SNTG1: variants seen among roughly 807,000 people sequenced by gnomAD.
SNTG1 encodes the protein syntrophin gamma 1.
Under a neutral mutation model 74.7 loss-of-function variants are expected in SNTG1, and 39 were observed. The observed-to-expected ratio is 0.52, with a 90% CI of 0.40 to 0.68. SNTG1 has a LOEUF of 0.68. Ranked by LOEUF, SNTG1 falls within the 30% of genes least tolerant of loss-of-function variation. SNTG1 has a pLI of 0.00. For missense variants in SNTG1, 685 were observed against 609.5 expected (o/e 1.12, Z -1.30); for synonymous variants, 254 against 217.1 (o/e 1.17, Z -1.49).
intron 1 of SNTG1, among the ~76,000 whole-genome samples, chr8:49,996,710 C>A (rs369541363): frequency 2.3e-4 from 35 of 152,116 alleles, no homozygotes; most frequent in African/African-American, 7.5e-4. Flanking sequence ...ACTACTTTGT[C>A]CCATCAAAAG....
chr8:50,059,853 A>G (rs930298213), intron 1 of SNTG1, among the ~76,000 whole-genome samples: 15 of 152,142 alleles, frequency 9.9e-5, no homozygotes, highest in African/African-American at 3.1e-4. Flanking sequence ...TCTTAAGTAT[A>G]TACCTAGAAG....
chr8:50,759,000 C>T (rs1237945334), intron 18 of SNTG1, among the ~76,000 whole-genome samples: 1 of 152,070 alleles, frequency 6.6e-6, no homozygotes, highest in South Asian at 2.1e-4. Context: ...TAATGATCAC[C>T]ATTCTAACTG....
intron 12 of SNTG1, among the ~76,000 whole-genome samples, chr8:50,577,595 A>G (rs1387325646): frequency 1.3e-5 from 2 of 152,042 alleles, no homozygotes; most frequent in African/African-American, 4.8e-5. Flanking sequence ...ACTTCTTTAA[A>G]TGTTTATACA....
intron 17 of SNTG1, among the ~76,000 whole-genome samples, chr8:50,726,848 C>CA (rs1253603189): frequency 1.3e-5 from 2 of 151,028 alleles, no homozygotes; most frequent in Admixed American, 1.3e-4. Context: ...GACTCTGTCT[C>CA]AAAAAACAAT....
intron 15 of SNTG1, among the ~76,000 whole-genome samples, chr8:50,699,273 C>A (rs2095415551): frequency 6.6e-6 from 1 of 151,964 alleles, no homozygotes; most frequent in African/African-American, 2.4e-5. Context: ...GAGGATCTTA[C>A]TAATGAGCAG....
chr8:50,190,340 A>C (rs553015874), intron 2 of SNTG1, among the ~76,000 whole-genome samples: 1 of 152,264 alleles, frequency 6.6e-6, no homozygotes, highest in African/African-American at 2.4e-5. Flanking sequence ...GTCAGAACAA[A>C]AGGTGGTAAT....
intron 13 of SNTG1, among the ~76,000 whole-genome samples, chr8:50,597,476 T>C (rs745981890): frequency 4.6e-5 from 7 of 151,208 alleles, no homozygotes; most frequent in Non-Finnish European, 8.9e-5. Flanking sequence ...AACATTTAAG[T>C]TGATACCATA....
rs186937359 is a variant in SNTG1, at chr8:50,017,541, G to A, written c.-103+105310G>A. Among the ~76,000 whole-genome samples, 18 of 151,874 alleles carry A rather than the reference G, an allele frequency of 1.2e-4. No individual in the cohort carries two copies. In the East Asian group the frequency reaches 3.5e-3, roughly 29 times the overall value. The stretch of plus-strand genomic sequence containing the variant: ...TGTTTACAAGGACACATTTTTCATG[G>A]AAAGACACAAATAAGTTGAAAATAA... On this transcript the variant is annotated intron_variant, in intron 1 of 18. Transcript: ENST00000642720.
chr8:50,332,461 G>A (rs2091003682), intron 2 of SNTG1, among the ~76,000 whole-genome samples: 1 of 151,468 alleles, frequency 6.6e-6, no homozygotes, highest in African/African-American at 2.4e-5. Context: ...TTTTTAAAAT[G>A]TGTTTTATAA....
At chr8:50,211,240 CA>C (rs1428831332) in intron 2 of SNTG1, among the ~76,000 whole-genome samples, 1 of 151,938 alleles carries the variant, frequency 6.6e-6, no homozygotes, top group East Asian at 1.9e-4. Context: ...TTAGTACTAT[CA>C]AGAGTATATT....
intron 1 of SNTG1, among the ~76,000 whole-genome samples, chr8:49,945,664 G>C (rs995537495): frequency 6.6e-6 from 1 of 152,146 alleles, no homozygotes; most frequent in Non-Finnish European, 1.5e-5. Context: ...AGGCTAAAGG[G>C]GCAGCAGTTG....
intron 15 of SNTG1, among the ~76,000 whole-genome samples, chr8:50,669,153 C>G (rs1173609562): frequency 1.3e-5 from 2 of 151,652 alleles, no homozygotes; most frequent in Non-Finnish European, 2.9e-5. Context: ...CAAACACATT[C>G]AAAAGCTAGC....
At chr8:50,532,202 G>C (rs2094274226) in intron 10 of SNTG1, among the ~76,000 whole-genome samples, 1 of 152,080 alleles carries the variant, frequency 6.6e-6, no homozygotes, top group South Asian at 2.1e-4. Context: ...GAAATTGAAA[G>C]TATCATGATG....
At chr8:50,777,224 T>TATATATATATAATAATATAATATATATA (rs2095643359) in intron 18 of SNTG1, among the ~76,000 whole-genome samples, 6 of 119,292 alleles carry the variant, frequency 5.0e-5, no homozygotes, top group Non-Finnish European at 3.0e-5. Flanking sequence ...ATAGCATATA[T>TATATATATATAATAATATAATATATATA]ATATATATAT....
At chr8:50,396,054 A>C (rs1233775392) in intron 3 of SNTG1, among the ~76,000 whole-genome samples, 1 of 152,188 alleles carries the variant, frequency 6.6e-6, no homozygotes, top group Non-Finnish European at 1.5e-5. Flanking sequence ...GCTTTTTGTA[A>C]ACAAAATTGT....
At chr8:50,269,703 C>A (rs2087675587) in intron 2 of SNTG1, among the ~76,000 whole-genome samples, 1 of 151,980 alleles carries the variant, frequency 6.6e-6, no homozygotes, top group African/African-American at 2.4e-5. Context: ...CAACAGCTTG[C>A]ATTTGGCAAA....
At chr8:50,248,160 C>T (rs1451704045) in intron 2 of SNTG1, among the ~76,000 whole-genome samples, 1 of 152,174 alleles carries the variant, frequency 6.6e-6, no homozygotes, top group African/African-American at 2.4e-5. Context: ...AACACCTTAT[C>T]TCCATATAAG....
chr8:50,498,728 C>A (rs930277220), intron 8 of SNTG1, among the ~76,000 whole-genome samples: 1 of 151,878 alleles, frequency 6.6e-6, no homozygotes, highest in Non-Finnish European at 1.5e-5. Flanking sequence ...TTAGACTTTA[C>A]ATTCAGGTAA....
At chr8:49,990,733 G>A (rs886748756) in intron 1 of SNTG1, among the ~76,000 whole-genome samples, 8 of 152,004 alleles carry the variant, frequency 5.3e-5, no homozygotes. Flanking sequence ...AATAAGCAGT[G>A]CCAAGACACA....
Sources: gnomAD v4.1 joint callset for allele counts (sites outside exome capture counted in the v4.1 genomes callset) on GRCh38, gnomAD v4.1.1 for gene constraint, MANE v1.5 for transcripts, NCBI Gene and HGNC (gene_info 2026-07-23, HGNC 2026-07-21) for gene names.